The following RPH3A variants were observed in gnomAD, a reference collection of about 807,000 sequenced individuals.
RPH3A encodes rabphilin-3A.
In RPH3A, 48 loss-of-function variants were observed where a neutral mutation model predicts 102.2. The ratio of observed to expected loss-of-function variants is 0.47; its 90% CI spans 0.37 to 0.60. The LOEUF (loss-of-function observed/expected upper bound fraction) is 0.60, where lower values mean the gene tolerates loss of function less well. RPH3A is among the 20% of genes least tolerant of loss of function. The probability of loss-of-function intolerance (pLI) is 0.00; values close to 1 mark genes in which losing one functional copy is unlikely to be tolerated. For synonymous variants in RPH3A, 310 were observed against 324.3 expected (o/e 0.96, Z 0.47); for missense variants, 781 against 910.1 (o/e 0.86, Z 1.83).
At chr12:112,678,303 A>AAGAAAGAAAGAAAG (rs1555283199) in intron 1 of RPH3A, among the ~76,000 whole-genome samples, 1 of 50,138 alleles carries the variant, frequency 2.0e-5, no homozygotes, top group South Asian at 6.1e-4. Flanking sequence ...GAAAGAAAGA[A>AAGAAAGAAAGAAAG]AGAGAGAGAG....
At position 112,875,829 on chromosome 12, in the gene RPH3A, C is replaced by A; in HGVS notation, c.946+88C>A. ...AGAGCAGGCAGCTGCCAGAACGTGACTCAGCCTGCACCCTGAGACCTGTCT... is the reference window on the plus strand; with the variant it reads ...AGAGCAGGCAGCTGCCAGAACGTGAATCAGCCTGCACCCTGAGACCTGTCT... On this transcript the variant is annotated intron_variant, in intron 12 of 21. Coordinates refer to ENST00000389385, the MANE Select transcript of RPH3A (RefSeq NM_001143854.2). The A allele has an allele frequency of 3.4e-6, 4 of 1,191,420 alleles. No homozygotes were observed. In the East Asian group the frequency reaches 7.1e-5, roughly 21 times the overall value. 73.8% of individuals were successfully genotyped at this position (1,191,420 alleles called of 1,614,324 possible). A position where few individuals can be genotyped will look rare whatever the true frequency, so the allele number is the denominator to read the frequency against.
intron 1 of RPH3A, among the ~76,000 whole-genome samples, chr12:112,579,012 G>A (rs888116095): frequency 2.0e-5 from 3 of 152,014 alleles, no homozygotes; most frequent in Non-Finnish European, 4.4e-5. Flanking sequence ...TTCATCATAG[G>A]TTCCTCCGAA....
At chr12:112,790,326 G>A (rs2041085623), upstream of RPH3A, among the ~76,000 whole-genome samples, 4 of 152,110 alleles carry the variant, frequency 2.6e-5, no homozygotes, top group South Asian at 8.3e-4. Flanking sequence ...CCAAAGTGCT[G>A]GGATTACAGG....
chr12:112,627,640 G>A (rs1001784225), intron 1 of RPH3A, among the ~76,000 whole-genome samples: 1 of 152,036 alleles, frequency 6.6e-6, no homozygotes. Flanking sequence ...CATTCTAGTG[G>A]GAGAGATGAA....
intron 1 of RPH3A, among the ~76,000 whole-genome samples, chr12:112,639,163 C>T (rs2039867952): frequency 6.6e-6 from 1 of 152,146 alleles, no homozygotes; most frequent in Non-Finnish European, 1.5e-5. Flanking sequence ...ATTATGCTGG[C>T]CTCAAGAGCA....
chr12:112,674,843 G>A (rs965341474), intron 1 of RPH3A, among the ~76,000 whole-genome samples: 22 of 152,154 alleles, frequency 1.4e-4, no homozygotes, highest in Admixed American at 1.2e-3. Flanking sequence ...TATAAGCAGG[G>A]GTTTATTTGG....
chr12:112,794,767 A>G (rs1016480389), intron 2 of RPH3A, among the ~76,000 whole-genome samples: 4 of 152,168 alleles, frequency 2.6e-5, no homozygotes, highest in African/African-American at 7.2e-5. Flanking sequence ...ACCACACAGT[A>G]AGTTATGGCA....
At chr12:112,649,389 G>A (rs892999859) in intron 1 of RPH3A, 26 of 152,214 alleles carry the variant, frequency 1.7e-4, no homozygotes, top group African/African-American at 5.3e-4. Flanking sequence ...GATGGAGGCA[G>A]TAAGAATGAA....
At chr12:112,662,707 A>G (rs1025967591) in intron 1 of RPH3A, among the ~76,000 whole-genome samples, 3 of 151,960 alleles carry the variant, frequency 2.0e-5, no homozygotes, top group East Asian at 1.9e-4. Context: ...GCAGGGAAGC[A>G]GCCATAGACA....
chr12:112,857,731 A>G (rs771318828), intron 5 of RPH3A, among the ~76,000 whole-genome samples: 61 of 152,226 alleles, frequency 4.0e-4, no homozygotes, highest in Non-Finnish European at 7.3e-4. Context: ...GAAAGCTAAT[A>G]GAGAGTGATT....
chr12:112,780,168 C>T (rs1294657658), intron 1 of RPH3A, among the ~76,000 whole-genome samples: 1 of 152,062 alleles, frequency 6.6e-6, no homozygotes, highest in Non-Finnish European at 1.5e-5. Context: ...CTCATAATGC[C>T]TCTCTTTTGG....
At chr12:112,778,669 C>G (rs1430088903) in intron 1 of RPH3A, among the ~76,000 whole-genome samples, 1 of 152,180 alleles carries the variant, frequency 6.6e-6, no homozygotes, top group Non-Finnish European at 1.5e-5. Context: ...TTACATTGCT[C>G]TCTCTCTTTT....
chr12:112,786,077 C>T (rs996128276), intron 1 of RPH3A, among the ~76,000 whole-genome samples: 89 of 152,140 alleles, frequency 5.8e-4, no homozygotes, highest in African/African-American at 2.0e-3. Context: ...TCGGAGCATG[C>T]CAGTGACATG....
At chr12:112,810,807 A>G (rs1385751909) in intron 2 of RPH3A, among the ~76,000 whole-genome samples, 1 of 152,174 alleles carries the variant, frequency 6.6e-6, no homozygotes, top group African/African-American at 2.4e-5. Context: ...GTCCCACTTA[A>G]TATTCTTCAT....
intron 3 of RPH3A, among the ~76,000 whole-genome samples, chr12:112,833,746 T>A (rs1427169888): frequency 4.2e-5 from 6 of 141,822 alleles, no homozygotes; most frequent in African/African-American, 1.6e-4. Flanking sequence ...TTTTTTTTTT[T>A]AAAGACAGTG....
upstream of RPH3A, among the ~76,000 whole-genome samples, chr12:112,790,209 AC>A (rs555392189): frequency 2.6e-4 from 40 of 152,084 alleles, no homozygotes; most frequent in African/African-American, 9.4e-4. Context: ...GGTGCACACC[AC>A]CATGCCCAGC....
Position 112,884,226 on chromosome 12 carries a change from G to A in RPH3A, c.1436+824G>A, listed in dbSNP as rs1315083521. Among the ~76,000 whole-genome samples the A allele has an allele frequency of 5.3e-5, 8 of 152,146 alleles. No individual in the cohort carries two copies. In the East Asian group the frequency reaches 7.7e-4, roughly 15 times the overall value. On this transcript the variant is annotated intron_variant, in intron 16 of 21. Coordinates refer to ENST00000389385, the MANE Select transcript of RPH3A (RefSeq NM_001143854.2). Reference sequence around the variant, plus strand: ...AAAACAAACATCCATGAACCCACCCGATACTTGATCTGTTAAAAATCTTGC... The same window carrying A: ...AAAACAAACATCCATGAACCCACCCAATACTTGATCTGTTAAAAATCTTGC...
At chr12:112,688,933 C>A (rs1012859046) in intron 1 of RPH3A, among the ~76,000 whole-genome samples, 2 of 152,114 alleles carry the variant, frequency 1.3e-5, no homozygotes, top group African/African-American at 4.8e-5. Context: ...TTATTCAAGT[C>A]CTCCCTGCTA....
At chr12:112,598,886 G>A (rs1183474160) in intron 1 of RPH3A, among the ~76,000 whole-genome samples, 3 of 152,134 alleles carry the variant, frequency 2.0e-5, no homozygotes, top group African/African-American at 7.2e-5. Flanking sequence ...CCTAATACTG[G>A]CCTCTTGTAT....
Sources: gnomAD v4.1 joint callset for allele counts (sites outside exome capture counted in the v4.1 genomes callset) on GRCh38, gnomAD v4.1.1 for gene constraint, MANE v1.5 for transcripts, NCBI Gene and HGNC (gene_info 2026-07-23, HGNC 2026-07-21) for gene names.